The following ARHGAP17 variants were observed in gnomAD, a reference collection of about 807,000 sequenced individuals.
ARHGAP17 encodes the protein Rho GTPase activating protein 17.
In ARHGAP17, 57 loss-of-function variants were observed where a neutral mutation model predicts 99.5. That is an observed-to-expected ratio of 0.57 (90% CI 0.46 to 0.71). The LOEUF (loss-of-function observed/expected upper bound fraction) is 0.71. Ranked by LOEUF, ARHGAP17 falls within the 30% of genes least tolerant of loss-of-function variation. ARHGAP17 has a pLI of 0.00. For synonymous variants in ARHGAP17, 417 were observed against 429.6 expected (o/e 0.97, Z 0.36); for missense variants, 1,000 against 1,122.4 (o/e 0.89, Z 1.56).
intron 7 of ARHGAP17, among the ~76,000 whole-genome samples, chr16:24,961,274 T>A (rs183677903): frequency 6.6e-6 from 1 of 152,272 alleles, no homozygotes; most frequent in African/African-American, 2.4e-5. Context: ...AGGAGGAGGA[T>A]AATGGTAGAA....
chr16:24,941,783 GTT>G (rs2051319221), intron 16 of ARHGAP17: 6 of 644,366 alleles, frequency 9.3e-6, no homozygotes, highest in Non-Finnish European at 1.6e-5. Context: ...TGGAAGAAAC[GTT>G]AACTGAGAAG....
chr16:24,959,641 G>A (rs2051921708), intron 9 of ARHGAP17, 30 bp downstream of exon 9: 1 of 1,606,696 alleles, frequency 6.2e-7, no homozygotes, highest in South Asian at 1.1e-5. Flanking sequence ...AGGCAAGAAG[G>A]AAGCATCAGC....
chr16:24,956,447 G>A (rs978960752), intron 9 of ARHGAP17: 1 of 152,222 alleles, frequency 6.6e-6, no homozygotes, highest in Non-Finnish European at 1.5e-5. Flanking sequence ...CTACCCTCAG[G>A]AAGAGGGCAA....
intron 8 of ARHGAP17, 63 bp downstream of exon 8, chr16:24,959,847 CA>C: frequency 6.2e-7 from 1 of 1,602,294 alleles, no homozygotes. Flanking sequence ...AAATCTTTTG[CA>C]AAAAAGCTAA....
At chr16:24,942,510 C>T (rs28616672) in intron 15 of ARHGAP17, among the ~76,000 whole-genome samples, 13,005 of 152,056 alleles carry the variant, frequency 0.086, 1,674 homozygotes, top group African/African-American at 0.28. Flanking sequence ...CTCATGCCTG[C>T]AATCTCAGCA....
chr16:24,979,035 G>A, intron 1 of ARHGAP17, 30 bp from the exon 2 acceptor site: 1 of 1,516,724 alleles, frequency 6.6e-7, no homozygotes, highest in Non-Finnish European at 9.0e-7. Context: ...TTCAGAGTTA[G>A]AAATCCAAAA....
intron 1 of ARHGAP17, among the ~76,000 whole-genome samples, chr16:25,001,167 G>A (rs1183429467): frequency 2.6e-5 from 4 of 151,980 alleles, no homozygotes; most frequent in Admixed American, 1.3e-4. Flanking sequence ...AGCAAAAGCA[G>A]AAATAGAAGC....
intron 3 of ARHGAP17, among the ~76,000 whole-genome samples, chr16:24,970,923 T>A (rs970590320): frequency 2.6e-5 from 4 of 152,228 alleles, no homozygotes; most frequent in African/African-American, 9.6e-5. Context: ...TCACCCAGGC[T>A]GCAATGCAGT....
At chr16:24,940,003 C>T (rs1463176317) in intron 16 of ARHGAP17, 10 of 203,044 alleles carry the variant, frequency 4.9e-5, no homozygotes, top group Non-Finnish European at 8.1e-5. Context: ...ACTACAGTGC[C>T]AAACTCCTGG....
chr16:24,973,039 T>C (rs78130917), intron 3 of ARHGAP17, among the ~76,000 whole-genome samples: 2,753 of 152,146 alleles, frequency 0.018, 80 homozygotes, highest in African/African-American at 0.062. Context: ...TTTTGCCATG[T>C]TGCACAGGCT....
At chr16:25,006,956 A>AG (rs924162913) in intron 1 of ARHGAP17, among the ~76,000 whole-genome samples, 1 of 152,244 alleles carries the variant, frequency 6.6e-6, no homozygotes, top group African/African-American at 2.4e-5. Flanking sequence ...GAGATCACCC[A>AG]GGGGAACGGT....
In ARHGAP17 at chr16:25,011,653, C is replaced by T. The variant is rs567314443; in HGVS notation, c.53+3556G>A. On this transcript the variant is annotated intron_variant, in intron 1 of 19. Coordinates refer to ENST00000289968, the MANE Select transcript of ARHGAP17 (RefSeq NM_001006634.3). ...CTAGGAGGTGGAGGCTGCAGTGAGCCGCGCCACTACACTCCAACCTGGGTG... is the reference window on the plus strand; with the variant it reads ...CTAGGAGGTGGAGGCTGCAGTGAGCTGCGCCACTACACTCCAACCTGGGTG... 9.3e-5 allele frequency among the ~76,000 whole-genome samples: 14 copies of T among 151,266 alleles called. No individual in the cohort carries two copies. In the East Asian group the frequency reaches 2.1e-3, roughly 23 times the overall value.
rs57147061 is a variant in ARHGAP17, at chr16:24,985,188, C to CCACA, written c.54-6187_54-6184dup. On this transcript the variant is annotated intron_variant, in intron 1 of 19. Transcript: ENST00000289968. Reference sequence around the variant, plus strand: ...GCTACTGACTATCCTAAATGCAACCCCACACACACACACACACACTAAATA... The same window carrying CCACA: ...GCTACTGACTATCCTAAATGCAACCCCACACACACACACACACACACACTAAATA... Among the ~76,000 whole-genome samples the CCACA allele has an allele frequency of 3.3e-5, 5 of 150,272 alleles. No individual in the cohort carries two copies. In the South Asian group the frequency reaches 8.7e-4, roughly 26 times the overall value.
intron 19 of ARHGAP17, among the ~76,000 whole-genome samples, chr16:24,923,075 TC>T (rs2050756611): frequency 6.6e-6 from 1 of 152,052 alleles, no homozygotes; most frequent in South Asian, 2.1e-4. Context: ...CACTAACTAA[TC>T]CTAAGGCAGC....
chr16:25,006,653 C>T (rs1462328867), intron 1 of ARHGAP17, among the ~76,000 whole-genome samples: 1 of 152,098 alleles, frequency 6.6e-6, no homozygotes, highest in African/African-American at 2.4e-5. Context: ...CCATATGGGT[C>T]ACTGTTGCAA....
chr16:24,947,698 GC>G, intron 13 of ARHGAP17, 103 bp from the exon 14 acceptor site: 1 of 886,478 alleles, frequency 1.1e-6, no homozygotes, highest in Non-Finnish European at 1.8e-6. Flanking sequence ...GGTGCTAACT[GC>G]AGAGGGTTCC....
intron 18 of ARHGAP17, among the ~76,000 whole-genome samples, 199 bp from the exon 19 acceptor site, chr16:24,931,603 C>A (rs749207331): frequency 7.9e-5 from 12 of 152,092 alleles, no homozygotes; most frequent in Non-Finnish European, 1.6e-4. Context: ...CTGACAAACA[C>A]AAATTGAAGG....
intron 19 of ARHGAP17, chr16:24,921,099 A>G (rs1436268715): frequency 6.6e-6 from 1 of 152,238 alleles, no homozygotes; most frequent in Non-Finnish European, 1.5e-5. Context: ...TTTATGCATG[A>G]ACAAATATTT....
chr16:24,979,733 C>T (rs936583818), intron 1 of ARHGAP17, among the ~76,000 whole-genome samples: 2 of 142,400 alleles, frequency 1.4e-5, no homozygotes, highest in African/African-American at 2.7e-5. Flanking sequence ...TTATTTGAGA[C>T]AGAGTCTCAT....
Sources: allele counts gnomAD v4.1 joint callset (sites outside exome capture counted in the v4.1 genomes callset), GRCh38; gene constraint gnomAD v4.1.1; transcripts MANE v1.5; gene names NCBI Gene and HGNC (gene_info 2026-07-23, HGNC 2026-07-21).